Variants in GFM2 observed in about 807,000 individuals in gnomAD.
GFM2 encodes the protein ribosome-releasing factor 2, mitochondrial.
GFM2 carries 72 observed loss-of-function variants against 95.4 expected under a neutral mutation model. That is an observed-to-expected ratio of 0.76 (90% CI 0.62 to 0.92). The LOEUF (loss-of-function observed/expected upper bound fraction) is 0.92. Ranked by LOEUF, GFM2 falls within the 40% of genes least tolerant of loss-of-function variation. The pLI is 0.00. For missense variants in GFM2, 825 were observed against 924.1 expected, an observed-to-expected ratio of 0.89 and a Z score of 1.39; for synonymous variants, 276 against 317.5, an observed-to-expected ratio of 0.87 and a Z score of 1.39.
chr5:74,725,852 T>C (rs1044888497), intron 18 of GFM2, 89 bp downstream of exon 18: 2 of 1,460,590 alleles, frequency 1.4e-6, no homozygotes, highest in Non-Finnish European at 1.9e-6. Context: ...CTAACAAAGT[T>C]AGGAAAAAGA....
At position 74,734,556 on chromosome 5, in the gene GFM2, T is replaced by C. The variant is rs553984442; in HGVS notation, c.1511-1458A>G. On this transcript the variant is annotated intron_variant, in intron 15 of 20. Coordinates refer to ENST00000296805, the MANE Select transcript of GFM2 (RefSeq NM_032380.5). The stretch of plus-strand genomic sequence containing the variant: ...TAACAAGAATCCCAAGAGATGTGTA[T>C]GTACGTTCAAGGTTAAGAGGCATTA... Among the ~76,000 whole-genome samples, 5 of 152,252 alleles carry C rather than the reference T, an allele frequency of 3.3e-5. No individual in the cohort carries two copies. In the East Asian group the frequency reaches 7.7e-4, roughly 24 times the overall value.
At chr5:74,732,336 T>A (rs1435514831) in intron 16 of GFM2, among the ~76,000 whole-genome samples, 1 of 152,068 alleles carries the variant, frequency 6.6e-6, no homozygotes, top group East Asian at 1.9e-4. Context: ...TACTACCTCA[T>A]TTGGCTGGCA....
At chr5:74,730,220 A>G (rs1286658851) in intron 17 of GFM2, 40 bp downstream of exon 17, 1 of 1,564,048 alleles carries the variant, frequency 6.4e-7, no homozygotes, top group Non-Finnish European at 8.7e-7. Flanking sequence ...AGAAAGACAG[A>G]AAGAGAGAAA....
rs1341871323 is a variant in GFM2, at chr5:74,721,802, GTCATTTATATTATCAAATTTAAGCC to G, written c.2212-44_2212-20del. On this transcript the variant is annotated intron_variant, in intron 20 of 20. Transcript: ENST00000296805. ...AATAACCCTAATCAAAATAATTTAA[GTCATTTATATTATCAAATTTAAGCC>G]TCAAGTTTCTCTTCCTGCTGATTAT... 3.8e-6 allele frequency: 6 copies of G among 1,591,354 alleles called. No homozygotes were observed. The East Asian group carries it at 1.3e-4, about 36-fold the overall frequency.
In GFM2 at chr5:74,726,129, G is replaced by GT; in HGVS notation, c.1727-4dup. ...TCCTAAAGTTCTATCTAAGGTATCT[G>GT]TAAACAAATTGAATATGGCACCTCA... On this transcript the variant is annotated splice_region_variant and splice_polypyrimidine_tract_variant and intron_variant, in intron 17 of 20. Transcript: ENST00000296805. 6.3e-7 allele frequency: 1 copy of GT among 1,592,820 alleles called. No individual in the cohort carries two copies. Among genetic ancestry groups the GT allele is most frequent in the East Asian group, 2.2e-5 (1 of 44,644 alleles).
rs779505164 is a variant in GFM2 at position 74,722,368 on chromosome 5, AAAG to A, written c.2211+8_2211+10del. ...AGAAGAATATGTACTTTTCAGTTAC[AAAG>A]TACCTACCATAATTTCTGCTAAGGG... On this transcript the variant is annotated splice_region_variant and intron_variant, in intron 20 of 20. Transcript: ENST00000296805. 1 of 1,609,578 alleles carries A rather than the reference AAAG, an allele frequency of 6.2e-7. No individual in the cohort carries two copies. Among genetic ancestry groups the A allele is most frequent in the Non-Finnish European group, 8.5e-7 (1 of 1,176,760 alleles).
intron 1 of GFM2, among the ~76,000 whole-genome samples, chr5:74,765,391 TAACGA>T (rs1176057590): frequency 6.6e-6 from 1 of 151,992 alleles, no homozygotes; most frequent in Non-Finnish European, 1.5e-5. Flanking sequence ...CAAACAAAAG[TAACGA>T]ATACAATACA....
intron 5 of GFM2, among the ~76,000 whole-genome samples, chr5:74,756,113 T>C (rs1743966205): frequency 6.6e-6 from 1 of 152,110 alleles, no homozygotes. Context: ...AAAAATCACA[T>C]GATCATCTCA....
intron 16 of GFM2, chr5:74,730,920 T>G (rs2112232452): frequency 6.5e-6 from 1 of 153,092 alleles, no homozygotes; most frequent in African/African-American, 2.4e-5. Context: ...TTCGAATGAT[T>G]CTCCTGCCTC....
At chr5:74,735,406 G>A (rs1742782093) in intron 15 of GFM2, among the ~76,000 whole-genome samples, 1 of 152,104 alleles carries the variant, frequency 6.6e-6, no homozygotes, top group African/African-American at 2.4e-5. Context: ...TCTCCCTACA[G>A]GGTCCTCAGG....
At chr5:74,751,220 T>C in intron 6 of GFM2, 148 bp downstream of exon 6, 1 of 693,380 alleles carries the variant, frequency 1.4e-6, no homozygotes. Flanking sequence ...TACTTAACAC[T>C]ACTAAACTGT....
chr5:74,763,444 T>C (rs1744385720), intron 2 of GFM2, among the ~76,000 whole-genome samples: 2 of 152,212 alleles, frequency 1.3e-5, no homozygotes, highest in Admixed American at 1.3e-4. Flanking sequence ...ATTTTAGTAC[T>C]CCATGAGACC....
intron 5 of GFM2, among the ~76,000 whole-genome samples, chr5:74,757,498 T>C (rs762237227): frequency 1.2e-4 from 18 of 152,006 alleles, no homozygotes; most frequent in Non-Finnish European, 2.1e-4. Context: ...TTCAGCCTTA[T>C]AAAAGGAATC....
intron 5 of GFM2, among the ~76,000 whole-genome samples, chr5:74,756,368 T>C (rs1743982101): frequency 6.6e-6 from 1 of 152,072 alleles, no homozygotes; most frequent in Non-Finnish European, 1.5e-5. Flanking sequence ...ATGGCCACAA[T>C]CAAAAAATAA....
At chr5:74,736,291 G>A (rs16872231) in intron 15 of GFM2, 101,824 of 751,918 alleles carry the variant, frequency 0.14, 7,578 homozygotes, top group African/African-American at 0.28. Flanking sequence ...GTTTGGGTGT[G>A]TGCTAGAAGT....
chr5:74,751,362 C>G lies in GFM2; in HGVS notation c.430+6G>C. On this transcript the variant is annotated splice_donor_region_variant and intron_variant, in intron 6 of 20. Coordinates refer to ENST00000296805, the MANE Select transcript of GFM2 (RefSeq NM_032380.5). ...GCATCTCTGTGTTACTGGAATCGTA[C>G]CATACCTGGTGTATCAATTAGATTG... The G allele has an allele frequency of 6.2e-7, 1 of 1,611,472 alleles. No individual in the cohort carries two copies. The highest frequency in any genetic ancestry group is 8.5e-7 in the Non-Finnish European group (1 of 1,178,682).
intron 5 of GFM2, among the ~76,000 whole-genome samples, chr5:74,753,997 CA>C (rs1380353091): frequency 6.6e-6 from 1 of 152,088 alleles, no homozygotes; most frequent in African/African-American, 2.4e-5. Context: ...AAAAACCTAT[CA>C]GATTAACAGC....
At chr5:74,731,178 G>T (rs144900529) in intron 16 of GFM2, among the ~76,000 whole-genome samples, 3 of 152,178 alleles carry the variant, frequency 2.0e-5, no homozygotes, top group East Asian at 3.8e-4. Context: ...GCTATACCTT[G>T]TAAATGGGGG....
At chr5:74,745,516 T>C (rs1414732104) in intron 10 of GFM2, among the ~76,000 whole-genome samples, 162 bp downstream of exon 10, 5 of 152,242 alleles carry the variant, frequency 3.3e-5, no homozygotes, top group Non-Finnish European at 5.9e-5. Context: ...ATAGGTTATA[T>C]GCAAATACTA....
Sources: allele counts gnomAD v4.1 joint callset (sites outside exome capture counted in the v4.1 genomes callset), GRCh38; gene constraint gnomAD v4.1.1; transcripts MANE v1.5; gene names NCBI Gene and HGNC (gene_info 2026-07-23, HGNC 2026-07-21).